The following PCAT7 variants were observed in gnomAD, a reference collection of about 807,000 sequenced individuals.
The protein encoded by PCAT7 is prostate cancer associated transcript 7.
chr9:94,563,523 C>T (rs1827141023), intron 2 of PCAT7: 2 of 1,575,154 alleles, frequency 1.3e-6, no homozygotes, highest in Non-Finnish European at 8.7e-7. Context: ...AGCACCTGCT[C>T]GTGGTCACAA....
intron 1 of PCAT7, among the ~76,000 whole-genome samples, chr9:94,555,814 T>G: frequency 2.1e-5 from 3 of 144,312 alleles, no homozygotes; most frequent in African/African-American, 5.2e-5. Flanking sequence ...GGAAAGAGGG[T>G]GACAAGGAGG....
At chr9:94,558,241 G>A (rs1827036289) in intron 1 of PCAT7, among the ~76,000 whole-genome samples, 1 of 152,138 alleles carries the variant, frequency 6.6e-6, no homozygotes, top group Non-Finnish European at 1.5e-5. Flanking sequence ...TTTGAGGGAG[G>A]TAATCACTAC....
intron 2 of PCAT7, chr9:94,567,429 C>A (rs1259694580): frequency 6.2e-7 from 1 of 1,607,310 alleles, no homozygotes; most frequent in South Asian, 1.1e-5. Context: ...AAGAGAGATG[C>A]CAGGAAGAAG....
At chr9:94,570,379 C>T (rs1827254579) in intron 2 of PCAT7, 1 of 152,216 alleles carries the variant, frequency 6.6e-6, no homozygotes. Context: ...GCGCAAGTTA[C>T]TCACTCTCTC....
At chr9:94,559,070 C>T (rs748384122) in exon 2 of PCAT7, 10 of 1,613,932 alleles carry the variant, frequency 6.2e-6, no homozygotes, top group East Asian at 4.5e-5. Context: ...TCCCCGTGGT[C>T]GCCAAGCCTC....
At chr9:94,567,495 T>C (rs1337537132) in intron 2 of PCAT7, 4 of 1,507,348 alleles carry the variant, frequency 2.7e-6, no homozygotes, top group Non-Finnish European at 3.6e-6. Context: ...CAGGAGAAGA[T>C]GGGGGCCTGC....
intron 2 of PCAT7, among the ~76,000 whole-genome samples, chr9:94,572,737 CACAT>C (rs1827282570): frequency 6.6e-6 from 1 of 152,152 alleles, no homozygotes; most frequent in South Asian, 2.1e-4. Context: ...TTTACACACA[CACAT>C]ATATACATGC....
At chr9:94,565,372 A>G (rs1027192713) in intron 2 of PCAT7, among the ~76,000 whole-genome samples, 8 of 133,042 alleles carry the variant, frequency 6.0e-5, no homozygotes, top group Non-Finnish European at 9.3e-5. Flanking sequence ...CCACCTCAAA[A>G]AAAAAAAAAA....
In PCAT7 at chr9:94,559,042, C is replaced by A. The variant is rs763789175; in HGVS notation, n.331C>A. On this transcript the variant is annotated non_coding_transcript_exon_variant, in exon 2 of 9. Transcript: ENST00000647389. ...CGCTGGTGAATTGCCTCGGGCTTCA[C>A]GTCCAGTACAGGCTGGGTCCCCGTG... is the stretch of plus-strand genomic sequence containing the variant. The A allele has an allele frequency of 1.7e-5, 27 of 1,614,010 alleles. No homozygotes were observed. In the South Asian group the frequency reaches 2.9e-4, roughly 17 times the overall value.
intron 2 of PCAT7, among the ~76,000 whole-genome samples, chr9:94,562,968 G>C (rs182452945): frequency 3.3e-5 from 5 of 152,202 alleles, no homozygotes; most frequent in African/African-American, 1.2e-4. Context: ...GTTCTGGGAA[G>C]TGTGTTGATA....
chr9:94,571,389 G>A (rs1321989916), intron 2 of PCAT7: 4 of 1,405,160 alleles, frequency 2.8e-6, no homozygotes, highest in Non-Finnish European at 2.9e-6. Flanking sequence ...GGACATTATC[G>A]CAGAGAACTG....
intron 2 of PCAT7, chr9:94,563,302 C>A: frequency 6.2e-7 from 1 of 1,606,910 alleles, no homozygotes; most frequent in Non-Finnish European, 8.5e-7. Flanking sequence ...TCCCCCACCT[C>A]CCTGACCGGA....
At chr9:94,560,854 G>A (rs543815377) in intron 2 of PCAT7, among the ~76,000 whole-genome samples, 2 of 151,470 alleles carry the variant, frequency 1.3e-5, no homozygotes, top group South Asian at 2.1e-4. Context: ...CCAGGCATTC[G>A]AGAGAAAGTA....
chr9:94,568,869 A>C (rs1038376172), intron 2 of PCAT7: 6 of 152,200 alleles, frequency 3.9e-5, no homozygotes, highest in African/African-American at 1.4e-4. Flanking sequence ...TATCCAATCC[A>C]GACTGACCCT....
chr9:94,570,738 A>G (rs1827259657), intron 2 of PCAT7: 1 of 152,068 alleles, frequency 6.6e-6, no homozygotes. Context: ...CTGGGTTTCC[A>G]TACTGTAAAC....
intron 1 of PCAT7, chr9:94,555,362 G>A (rs1269817672): frequency 1.3e-5 from 2 of 151,926 alleles, no homozygotes; most frequent in Non-Finnish European, 2.9e-5. Context: ...AAAGAGTGTG[G>A]TTAGTGCCAA....
At chr9:94,571,692 C>A (rs1170005427) in intron 2 of PCAT7, 2 of 1,194,598 alleles carry the variant, frequency 1.7e-6, no homozygotes, top group Non-Finnish European at 2.3e-6. Flanking sequence ...CTCCTCGAAT[C>A]ACTGAAGGAA....
At chr9:94,555,730 G>A (rs1046270274) in intron 1 of PCAT7, among the ~76,000 whole-genome samples, 1 of 151,444 alleles carries the variant, frequency 6.6e-6, no homozygotes, top group African/African-American at 2.4e-5. Context: ...AAGGTTTTGC[G>A]AAAAAACAGT....
intron 2 of PCAT7, chr9:94,559,229 T>C: frequency 9.9e-7 from 1 of 1,005,796 alleles, no homozygotes; most frequent in Non-Finnish European, 1.5e-6. Flanking sequence ...ACTGCGGTGC[T>C]TCCATCTGGC....
Sources: gnomAD v4.1 joint callset for allele counts (sites outside exome capture counted in the v4.1 genomes callset) on GRCh38, gnomAD v4.1.1 for gene constraint, MANE v1.5 for transcripts, NCBI Gene and HGNC (gene_info 2026-07-23, HGNC 2026-07-21) for gene names.